ADCY5: variants seen among roughly 807,000 people sequenced by gnomAD.
The protein encoded by ADCY5 is adenylate cyclase type 5.
A neutral mutation model predicts 119.7 loss-of-function variants in ADCY5; 30 were observed. The ratio of observed to expected loss-of-function variants is 0.25; its 90% confidence interval spans 0.19 to 0.34. The LOEUF (loss-of-function observed/expected upper bound fraction) is 0.34. Among genes scored for constraint, ADCY5 ranks in the 10% least tolerant of loss-of-function variants. The pLI, the probability that ADCY5 is intolerant of heterozygous loss-of-function variation, is 1.00. For missense variants in ADCY5, 1,324 were observed against 1,775.2 expected, an observed-to-expected ratio of 0.75 and a Z score of 4.57; for synonymous variants, 753 against 762.2, an observed-to-expected ratio of 0.99 and a Z score of 0.20.
intron 1 of ADCY5, among the ~76,000 whole-genome samples, chr3:123,433,535 A>AAGAGCG (rs1163609127): frequency 6.6e-6 from 1 of 152,232 alleles, no homozygotes; most frequent in Non-Finnish European, 1.5e-5. Flanking sequence ...TTTTCTTGAG[A>AAGAGCG]AGAGCGACAG....
intron 6 of ADCY5, 71 bp downstream of exon 6, chr3:123,328,573 G>T: frequency 1.3e-6 from 2 of 1,565,308 alleles, no homozygotes; most frequent in South Asian, 1.2e-5. Context: ...GCCTCTGCAG[G>T]ATGGTCACCC....
Position 123,433,116 on chromosome 3 carries a change from G to A in ADCY5, c.1134+14296C>T, listed in dbSNP as rs530976871. Reference sequence around the variant, plus strand: ...GGAAAGACACATAAACAAACCTAACGAGAAAAATTACAAACCAGCATAAGT... The same window carrying A: ...GGAAAGACACATAAACAAACCTAACAAGAAAAATTACAAACCAGCATAAGT... On this transcript the variant is annotated intron_variant, in intron 1 of 20. Coordinates refer to ENST00000462833, the MANE Select transcript of ADCY5 (RefSeq NM_183357.3). Among the ~76,000 whole-genome samples the A allele has an allele frequency of 1.1e-4, 16 of 152,318 alleles. 3 individuals carry two copies. Among genetic ancestry groups the A allele is most frequent in the African/African-American group, 3.4e-4 (14 of 41,566 alleles).
intron 8 of ADCY5, among the ~76,000 whole-genome samples, chr3:123,322,113 C>T (rs886847895): frequency 6.6e-6 from 1 of 152,198 alleles, no homozygotes; most frequent in Non-Finnish European, 1.5e-5. Flanking sequence ...CAGGCCCGTG[C>T]CTGATGCTCC....
intron 1 of ADCY5, among the ~76,000 whole-genome samples, chr3:123,387,437 A>C (rs193194994): frequency 4.7e-4 from 71 of 152,340 alleles, no homozygotes; most frequent in Non-Finnish European, 6.8e-4. Context: ...AAATCCATTG[A>C]CTTGGGAGTA....
chr3:123,377,179 CCA>C (rs2107547485), intron 1 of ADCY5, among the ~76,000 whole-genome samples: 1 of 151,788 alleles, frequency 6.6e-6, no homozygotes, highest in East Asian at 1.9e-4. Context: ...ACTTCCTCTC[CCA>C]CTTCAAACTT....
At chr3:123,325,552 G>C in intron 7 of ADCY5, 90 bp from the exon 8 acceptor site, 1 of 1,545,356 alleles carries the variant, frequency 6.5e-7, no homozygotes, top group Non-Finnish European at 8.9e-7. Context: ...GGCCAGGTAA[G>C]GGGCTAAGGC....
chr3:123,342,938 G>A (rs1942360655), intron 3 of ADCY5, among the ~76,000 whole-genome samples: 2 of 152,178 alleles, frequency 1.3e-5, no homozygotes, highest in African/African-American at 2.4e-5. Context: ...GCGCTGCGCG[G>A]GGCTGGGGAC....
At chr3:123,321,069 A>G (rs1450224655) in intron 8 of ADCY5, among the ~76,000 whole-genome samples, 1 of 151,990 alleles carries the variant, frequency 6.6e-6, no homozygotes, top group African/African-American at 2.4e-5. Flanking sequence ...CTCCTTTCCT[A>G]AATCTCTCCT....
chr3:123,376,376 A>G (rs2107545331), intron 1 of ADCY5, among the ~76,000 whole-genome samples: 1 of 152,018 alleles, frequency 6.6e-6, no homozygotes, highest in South Asian at 2.1e-4. Context: ...TCACTAGGAC[A>G]GCTAAGGGGT....
At chr3:123,428,503 T>G (rs761734550) in intron 1 of ADCY5, among the ~76,000 whole-genome samples, 1 of 152,160 alleles carries the variant, frequency 6.6e-6, no homozygotes, top group Non-Finnish European at 1.5e-5. Context: ...CCTCTAGCCC[T>G]GTCCTCTGAG....
chr3:123,426,875 C>T (rs1945426323), intron 1 of ADCY5, among the ~76,000 whole-genome samples: 1 of 152,080 alleles, frequency 6.6e-6, no homozygotes, highest in Admixed American at 6.5e-5. Flanking sequence ...AGGAGGTTGA[C>T]TCTTCGGGTG....
intron 4 of ADCY5, 149 bp downstream of exon 4, chr3:123,332,415 G>A: frequency 1.6e-6 from 1 of 632,806 alleles, no homozygotes; most frequent in Non-Finnish European, 2.8e-6. Flanking sequence ...CAGCCTAAGG[G>A]TCCCCTCTGC....
intron 14 of ADCY5, among the ~76,000 whole-genome samples, chr3:123,302,529 C>T (rs1939907462): frequency 6.6e-6 from 1 of 152,088 alleles, no homozygotes; most frequent in African/African-American, 2.4e-5. Context: ...ACAGCTGGGG[C>T]TTAGGTGGGT....
intron 15 of ADCY5, among the ~76,000 whole-genome samples, chr3:123,298,796 T>C (rs1341079665): frequency 2.0e-5 from 3 of 150,324 alleles, no homozygotes; most frequent in Non-Finnish European, 4.4e-5. Context: ...AAGGTACAGT[T>C]TGCTGCATTT....
rs547919953 is a variant in ADCY5 at position 123,344,710 on chromosome 3, T to G, written c.1406+3072A>C. On this transcript the variant is annotated intron_variant, in intron 3 of 20. Coordinates refer to ENST00000462833, the MANE Select transcript of ADCY5 (RefSeq NM_183357.3). ...TTAAACTATGATGTCACCCCCCATC[T>G]CCTACTTAACCACCAACCCAAGCCA... 7.4e-4 allele frequency among the ~76,000 whole-genome samples: 113 copies of G among 152,204 alleles called. 3 individuals are homozygous for G. In the South Asian group the frequency reaches 0.022, roughly 29 times the overall value.
Position 123,310,103 on chromosome 3 carries a change from T to TACACACACACACACACAC in ADCY5, c.2442+4114_2442+4131dup, listed in dbSNP as rs60966110. Among the ~76,000 whole-genome samples the TACACACACACACACACAC allele has an allele frequency of 5.8e-3, 707 of 121,174 alleles. 22 individuals carry two copies. The highest frequency in any genetic ancestry group is 0.057 in the East Asian group (165 of 2,890). 79.5% of individuals were successfully genotyped at this position (121,174 alleles called of 152,430 possible). A position where few individuals can be genotyped will look rare whatever the true frequency, so the allele number is the denominator to read the frequency against. On this transcript the variant is annotated intron_variant, in intron 12 of 20. Coordinates refer to ENST00000462833, the MANE Select transcript of ADCY5 (RefSeq NM_183357.3). ...GGCTGGGGGATAAGAGAGAGAGATT[T>TACACACACACACACACAC]ACACACACACACACACACACACACA...
intron 1 of ADCY5, among the ~76,000 whole-genome samples, chr3:123,355,191 G>T (rs932827434): frequency 2.6e-5 from 4 of 152,294 alleles, no homozygotes; most frequent in Non-Finnish European, 4.4e-5. Flanking sequence ...TGACATGATT[G>T]TCTATGTAGA....
At chr3:123,380,266 A>G (rs1407189782) in intron 1 of ADCY5, among the ~76,000 whole-genome samples, 3 of 152,222 alleles carry the variant, frequency 2.0e-5, no homozygotes, top group African/African-American at 4.8e-5. Flanking sequence ...GCTGTGGTGA[A>G]CAGGCTTGAG....
chr3:123,286,802 G>A lies in ADCY5; in HGVS notation c.3540C>T (p.Asn1180=). The A allele has an allele frequency of 1.5e-5, 24 of 1,604,442 alleles. No individual in the cohort carries two copies. The highest frequency in any genetic ancestry group is 2.0e-5 in the Non-Finnish European group (23 of 1,175,668). Residue 1180 remains asparagine (N), a synonymous_variant, in exon 20 of 21, where the codon AAC becomes AAT. Transcript: ENST00000462833. This position sits in a 1 kb window ranked among gnomAD's most constrained non-coding sequence, Gnocchi z 4.2. ...FNNFQMKIGL[N]IGPVVAGVIG... is the part of the protein sequence containing the mutation. ...TCACCCCGGCCACCACGGGGCCGAT[G>A]TTGAGCCCTGCAGGGGACAGGAATC...
Sources: allele counts gnomAD v4.1 joint callset (sites outside exome capture counted in the v4.1 genomes callset), GRCh38; gene constraint gnomAD v4.1.1; non-coding constraint Gnocchi (gnomAD v3.1); transcripts MANE v1.5; gene names NCBI Gene and HGNC (gene_info 2026-07-23, HGNC 2026-07-21).